Variants in CACHD1 observed in about 807,000 individuals in gnomAD.
CACHD1 encodes the protein VWFA and cache domain-containing protein 1.
Under a neutral mutation model 138.7 loss-of-function variants are expected in CACHD1, and 71 were observed. The ratio of observed to expected loss-of-function variants is 0.51; its 90% CI spans 0.42 to 0.62. The LOEUF is 0.62. CACHD1 is among the 20% of genes least tolerant of loss of function. The pLI, the probability that CACHD1 is intolerant of heterozygous loss-of-function variation, is 0.00. For missense variants in CACHD1, 1,389 were observed against 1,625.3 expected, an observed-to-expected ratio of 0.85 and a Z score of 2.50; for synonymous variants, 578 against 591.5, an observed-to-expected ratio of 0.98 and a Z score of 0.33.
chr1:64,683,532 G>A (rs1362942797), intron 26 of CACHD1, among the ~76,000 whole-genome samples: 6 of 152,170 alleles, frequency 3.9e-5, no homozygotes, highest in Non-Finnish European at 8.8e-5. Context: ...TCTGAGTGAT[G>A]TTTATGACGT....
At chr1:64,633,778 G>A (rs111798485) in intron 6 of CACHD1, among the ~76,000 whole-genome samples, 2,418 of 152,274 alleles carry the variant, frequency 0.016, 60 homozygotes, top group African/African-American at 0.056. Flanking sequence ...AATAGTTTGT[G>A]TGTGTGTTTA....
chr1:64,587,366 T>A (rs1372109006), intron 3 of CACHD1, among the ~76,000 whole-genome samples: 1 of 152,232 alleles, frequency 6.6e-6, no homozygotes, highest in Non-Finnish European at 1.5e-5. Context: ...AAATGCCTAG[T>A]TCTGAAGAGA....
intron 2 of CACHD1, among the ~76,000 whole-genome samples, chr1:64,566,073 C>G (rs559188744): frequency 3.3e-5 from 5 of 152,306 alleles, no homozygotes; most frequent in Non-Finnish European, 7.3e-5. Context: ...TCCTTGACCA[C>G]TCATTTATAA....
chr1:64,673,256 A>G lies in CACHD1; in HGVS notation c.2609A>G (p.Lys870Arg), dbSNP rs777186539. 6.2e-7 allele frequency: 1 copy of G among 1,614,010 alleles called. No individual in the cohort carries two copies. The highest frequency in any genetic ancestry group is 8.5e-7 in the Non-Finnish European group (1 of 1,179,950). Residue 870 changes from lysine (K) to arginine (R), a missense_variant and splice_region_variant, in exon 18 of 27, where the codon AAG becomes AGG. Lys to Arg is a conservative substitution (Grantham distance 26). Around this residue, in one of 5 missense-constraint regions of CACHD1, gnomAD observed 1,000 missense variants for 1,114.7 expected, o/e 0.90. Coordinates refer to ENST00000651257, the MANE Select transcript of CACHD1 (RefSeq NM_020925.4). ...APVEQQHITH[K>R]EPLVANDILN... is the part of the protein sequence containing the mutation. ...GTGGAGCAGCAGCACATCACCCACA[A>G]GGTATTTGTCACAAAGCTGAGCTGC...
intron 2 of CACHD1, among the ~76,000 whole-genome samples, chr1:64,577,433 T>C (rs1373904768): frequency 6.6e-6 from 1 of 152,180 alleles, no homozygotes; most frequent in African/African-American, 2.4e-5. Context: ...TTTGTTAAAA[T>C]TGATTTGAAA....
intron 1 of CACHD1, among the ~76,000 whole-genome samples, chr1:64,522,582 C>T (rs1646507063): frequency 6.6e-6 from 1 of 152,098 alleles, no homozygotes; most frequent in South Asian, 2.1e-4. Context: ...GTTGGGATTA[C>T]AGGCATGAGC....
chr1:64,658,811 A>T lies in CACHD1; in HGVS notation c.1889A>T (p.His630Leu), dbSNP rs779825696. 6.3e-7 allele frequency: 1 copy of T among 1,597,384 alleles called. No individual in the cohort carries two copies. The highest frequency in any genetic ancestry group is 1.1e-5 in the South Asian group (1 of 89,086). The change falls in exon 13 of 27, where the codon CAC (histidine) becomes CTC (leucine). Residue 630 changes from histidine to leucine, a missense_variant. This residue lies in a region of CACHD1 where 1,000 missense variants were observed against 1,114.7 expected (regional missense o/e 0.90). Transcript: ENST00000651257. ...NTVPSSKLLY[H>L]RLDLLGQPSA... ...GTTCCCAGCAGCAAGCTGCTGTACC[A>T]CCGGCTGGATCTCCTTGGCCAGCCC...
intron 1 of CACHD1, among the ~76,000 whole-genome samples, chr1:64,531,255 T>A (rs1646583072): frequency 6.6e-6 from 1 of 152,210 alleles, no homozygotes; most frequent in Non-Finnish European, 1.5e-5. Context: ...CAATTCATTG[T>A]GTTTGGATGC....
intron 1 of CACHD1, among the ~76,000 whole-genome samples, chr1:64,498,283 G>GCAACTTGTAAAA (rs1473656747): frequency 6.6e-6 from 1 of 152,154 alleles, no homozygotes; most frequent in Non-Finnish European, 1.5e-5. Context: ...AATCACTCAT[G>GCAACTTGTAAAA]TACAGTACCA....
intron 4 of CACHD1, among the ~76,000 whole-genome samples, chr1:64,621,069 TAGAGTA>T (rs994479531): frequency 1.3e-5 from 2 of 152,176 alleles, no homozygotes; most frequent in African/African-American, 4.8e-5. Flanking sequence ...GTAAGGGCTT[TAGAGTA>T]AAAGATTTTA....
intron 1 of CACHD1, among the ~76,000 whole-genome samples, chr1:64,533,913 C>A (rs1378491041): frequency 6.6e-6 from 1 of 151,804 alleles, no homozygotes; most frequent in South Asian, 2.1e-4. Context: ...CCACCACATC[C>A]GGCTAATTTT....
chr1:64,562,787 C>A (rs1187119668), intron 2 of CACHD1, among the ~76,000 whole-genome samples: 2 of 152,030 alleles, frequency 1.3e-5, no homozygotes, highest in Non-Finnish European at 2.9e-5. Context: ...AGCGTATTAT[C>A]TTTGCATTCT....
At chr1:64,561,312 C>A (rs1016128602) in intron 2 of CACHD1, among the ~76,000 whole-genome samples, 3 of 151,944 alleles carry the variant, frequency 2.0e-5, no homozygotes, top group Admixed American at 1.3e-4. Flanking sequence ...GTTATCATAT[C>A]TATTACATCT....
chr1:64,691,990 A>G lies in CACHD1; in HGVS notation c.*429A>G, dbSNP rs919137026. 6 of 192,072 alleles carry G rather than the reference A, an allele frequency of 3.1e-5. No individual in the cohort carries two copies. Among genetic ancestry groups the G allele is most frequent in the African/African-American group, 1.4e-4 (6 of 43,668 alleles). 11.9% of individuals were successfully genotyped at this position (192,072 alleles called of 1,614,324 possible). Reference sequence around the variant, plus strand: ...GGCACATGCAGATACAAATGTGTGCATTGAAGATTTCGCTTTGTTTCTTAG... The same window carrying G: ...GGCACATGCAGATACAAATGTGTGCGTTGAAGATTTCGCTTTGTTTCTTAG... On this transcript the variant is annotated 3_prime_UTR_variant, in exon 27 of 27. Transcript: ENST00000651257.
At chr1:64,579,888 G>A (rs2100532800) in intron 2 of CACHD1, 1 of 149,726 alleles carries the variant, frequency 6.7e-6, no homozygotes, top group Admixed American at 6.8e-5. Flanking sequence ...TGTCCTAACA[G>A]TGCTTGTAGT....
intron 1 of CACHD1, among the ~76,000 whole-genome samples, chr1:64,475,628 C>T (rs980384069): frequency 3.9e-5 from 6 of 152,070 alleles, no homozygotes; most frequent in African/African-American, 1.4e-4. Context: ...CTCACTGCAA[C>T]CTCTGCCTAC....
intron 7 of CACHD1, among the ~76,000 whole-genome samples, chr1:64,635,863 G>C (rs1204445076): frequency 6.6e-6 from 1 of 151,754 alleles, no homozygotes; most frequent in East Asian, 2.0e-4. Flanking sequence ...TGTAATCCCA[G>C]CCCTTTGGGA....
intron 1 of CACHD1, among the ~76,000 whole-genome samples, chr1:64,477,622 TTATTTTATTTTA>T (rs1311045695): frequency 2.2e-5 from 3 of 134,054 alleles, no homozygotes; most frequent in Admixed American, 7.3e-5. Context: ...ATTATTATTA[TTATTTTATTTTA>T]TTTTTTTTTT....
At chr1:64,599,568 G>T (rs1047394801) in intron 3 of CACHD1, among the ~76,000 whole-genome samples, 8 of 152,108 alleles carry the variant, frequency 5.3e-5, no homozygotes, top group Admixed American at 2.6e-4. Flanking sequence ...GGGAAGAGAA[G>T]GTCGGATAGA....
Sources: allele counts gnomAD v4.1 joint callset (sites outside exome capture counted in the v4.1 genomes callset), GRCh38; gene constraint gnomAD v4.1.1; regional missense constraint gnomAD v4.1.1; transcripts MANE v1.5; gene names NCBI Gene and HGNC (gene_info 2026-07-23, HGNC 2026-07-21).